Variants in BABAM2 observed in about 807,000 individuals in gnomAD.
BABAM2 encodes the protein BRISC and BRCA1-A complex member 2.
Under a neutral mutation model 54.7 loss-of-function variants are expected in BABAM2, and 31 were observed. The observed-to-expected ratio is 0.57, with a 90% CI of 0.43 to 0.77. BABAM2 has a LOEUF of 0.77. Among genes scored for constraint, BABAM2 ranks in the 30% least tolerant of loss-of-function variants. BABAM2 has a pLI of 0.00. For synonymous variants in BABAM2, 167 were observed against 162.9 expected, an observed-to-expected ratio of 1.03 and a Z score of -0.19; for missense variants, 364 against 455.8, an observed-to-expected ratio of 0.80 and a Z score of 1.83.
chr2:28,297,538 T>A (rs890405026), intron 10 of BABAM2, among the ~76,000 whole-genome samples: 2 of 152,176 alleles, frequency 1.3e-5, no homozygotes, highest in Non-Finnish European at 2.9e-5. Flanking sequence ...AAAATTGAGT[T>A]AAAGAACCCC....
intron 3 of BABAM2, among the ~76,000 whole-genome samples, chr2:27,952,139 T>C (rs569155114): frequency 6.6e-6 from 1 of 152,342 alleles, no homozygotes; most frequent in African/African-American, 2.4e-5. Context: ...GTTGTTTGCC[T>C]TGAAATTAAT....
chr2:28,287,627 A>G (rs960789782), intron 10 of BABAM2, among the ~76,000 whole-genome samples: 3 of 152,232 alleles, frequency 2.0e-5, no homozygotes, highest in Non-Finnish European at 4.4e-5. Flanking sequence ...TGGAGAAATC[A>G]CTGAGCAATG....
At chr2:28,010,869 AT>A (rs1278100300) in intron 4 of BABAM2, among the ~76,000 whole-genome samples, 1 of 152,172 alleles carries the variant, frequency 6.6e-6, no homozygotes, top group Non-Finnish European at 1.5e-5. Flanking sequence ...TGAATAAAAA[AT>A]TGTTACTCCA....
intron 2 of BABAM2, among the ~76,000 whole-genome samples, chr2:27,926,822 C>T (rs2148343952): frequency 6.6e-6 from 1 of 151,960 alleles, no homozygotes; most frequent in South Asian, 2.1e-4. Flanking sequence ...TTAGTCAACA[C>T]ATAGGAATTG....
chr2:28,315,708 G>A (rs980055874), intron 11 of BABAM2, among the ~76,000 whole-genome samples: 5 of 151,036 alleles, frequency 3.3e-5, no homozygotes, highest in Non-Finnish European at 7.4e-5. Context: ...GCCCAGGCTG[G>A]TCTTTAACTC....
At chr2:27,967,820 G>A (rs184435162) in intron 3 of BABAM2, among the ~76,000 whole-genome samples, 152 of 152,274 alleles carry the variant, frequency 1.0e-3, no homozygotes, top group Admixed American at 1.8e-3. Context: ...AGAGATTGGC[G>A]GCATTTTGCC....
chr2:27,983,939 T>C lies in BABAM2; in HGVS notation c.206-4054T>C, dbSNP rs184532096. 1.5e-3 allele frequency among the ~76,000 whole-genome samples: 200 copies of C among 132,860 alleles called. 3 individuals carry two copies. Among genetic ancestry groups the C allele is most frequent in the African/African-American group, 5.1e-3 (180 of 35,426 alleles). The allele number at this position is 132,860 out of a possible 152,430, so 87.2% of individuals were successfully genotyped here. A position where few individuals can be genotyped will look rare whatever the true frequency, so the allele number is the denominator to read the frequency against. ...TTTTTTCCAATGTAGATACATTTTG[T>C]ACCTTTTTTTTTTTTTTTTTTTGCC... On this transcript the variant is annotated intron_variant, in intron 3 of 11. Coordinates refer to ENST00000379624, the MANE Select transcript of BABAM2 (RefSeq NM_199191.3).
chr2:28,310,479 C>T (rs1688976331), intron 11 of BABAM2: 1 of 234,676 alleles, frequency 4.3e-6, no homozygotes. Flanking sequence ...GACTGCACCC[C>T]CTGTTTATCC....
At chr2:28,175,979 T>C (rs1674896457) in intron 7 of BABAM2, among the ~76,000 whole-genome samples, 1 of 152,132 alleles carries the variant, frequency 6.6e-6, no homozygotes, top group Admixed American at 6.5e-5. Context: ...TGTTTACGGC[T>C]GAAGAAATAA....
chr2:28,020,314 G>A (rs1458981717), intron 4 of BABAM2, among the ~76,000 whole-genome samples: 1 of 152,122 alleles, frequency 6.6e-6, no homozygotes, highest in Admixed American at 6.5e-5. Flanking sequence ...AATAAAAGAT[G>A]TGAAGTATGC....
At chr2:28,298,066 A>G (rs1687836021) in intron 10 of BABAM2, among the ~76,000 whole-genome samples, 1 of 152,194 alleles carries the variant, frequency 6.6e-6, no homozygotes, top group Non-Finnish European at 1.5e-5. Flanking sequence ...TGACCATTTC[A>G]AAGCATTCTT....
rs529483007 is a variant in BABAM2, at chr2:28,172,969, G to T, written c.680+43589G>T. 7.9e-5 allele frequency among the ~76,000 whole-genome samples: 12 copies of T among 152,232 alleles called. No individual in the cohort carries two copies. The South Asian group carries it at 2.5e-3, about 32-fold the overall frequency. On this transcript the variant is annotated intron_variant, in intron 7 of 11. Coordinates refer to ENST00000379624, the MANE Select transcript of BABAM2 (RefSeq NM_199191.3). ...GTTTCTGGTGCAGCCTCTCTTCCTG[G>T]CTTGCAGATGGCAGCCTTCTCGCCG... is the stretch of plus-strand genomic sequence containing the variant.
chr2:28,148,167 G>C (rs752946626), intron 7 of BABAM2, among the ~76,000 whole-genome samples: 1 of 152,190 alleles, frequency 6.6e-6, no homozygotes, highest in African/African-American at 2.4e-5. Context: ...TTGGAATACT[G>C]TGTACCGCAG....
intron 10 of BABAM2, among the ~76,000 whole-genome samples, chr2:28,254,728 ATTT>A (rs759661036): frequency 4.1e-5 from 5 of 122,380 alleles, no homozygotes; most frequent in African/African-American, 6.0e-5. Flanking sequence ...TTTTTTTTCA[ATTT>A]TTTTTTTTTT....
chr2:28,192,911 A>G (rs1164741211), intron 7 of BABAM2, among the ~76,000 whole-genome samples: 2 of 151,770 alleles, frequency 1.3e-5, no homozygotes, highest in Non-Finnish European at 2.9e-5. Context: ...GGTGGCTGAC[A>G]CCTGAAATCC....
chr2:28,044,501 G>A (rs926187771), intron 5 of BABAM2, among the ~76,000 whole-genome samples: 6 of 152,220 alleles, frequency 3.9e-5, no homozygotes, highest in African/African-American at 7.2e-5. Flanking sequence ...AAAGTGCTGG[G>A]ATTACAGGCA....
At chr2:28,262,315 GA>G (rs1684608433) in intron 10 of BABAM2, among the ~76,000 whole-genome samples, 1 of 152,192 alleles carries the variant, frequency 6.6e-6, no homozygotes, top group African/African-American at 2.4e-5. Flanking sequence ...AGGAGTTATT[GA>G]AGAGTGCTCA....
chr2:28,076,305 C>G (rs1664658509), intron 6 of BABAM2, among the ~76,000 whole-genome samples: 1 of 151,598 alleles, frequency 6.6e-6, no homozygotes, highest in Non-Finnish European at 1.5e-5. Flanking sequence ...AAAATCTCAT[C>G]CCTGTTTTTA....
intron 4 of BABAM2, among the ~76,000 whole-genome samples, chr2:28,004,390 G>T (rs1488332969): frequency 6.6e-6 from 1 of 152,202 alleles, no homozygotes; most frequent in East Asian, 1.9e-4. Flanking sequence ...AAGTAGGTAG[G>T]ATTACAAAAA....
Sources: gnomAD v4.1 joint callset for allele counts (sites outside exome capture counted in the v4.1 genomes callset) on GRCh38, gnomAD v4.1.1 for gene constraint, MANE v1.5 for transcripts, NCBI Gene and HGNC (gene_info 2026-07-23, HGNC 2026-07-21) for gene names.